ZNF568: variants seen among roughly 807,000 people sequenced by gnomAD.
ZNF568 encodes the protein zinc finger protein 568.
A neutral mutation model predicts 18.1 loss-of-function variants in ZNF568; 11 were observed. The ratio of observed to expected loss-of-function variants is 0.61; its 90% CI spans 0.38 to 1.00. The LOEUF (loss-of-function observed/expected upper bound fraction) is 1.00. Ranked by LOEUF, ZNF568 falls within the 50% of genes least tolerant of loss-of-function variation. The pLI is 0.01. For synonymous variants in ZNF568, 213 were observed against 246.6 expected (o/e 0.86, Z 1.28); for missense variants, 639 against 768.2 (o/e 0.83, Z 1.99).
At chr19:36,996,272 T>C (rs2074470462) in intron 4 of ZNF568, 1 of 1,404,484 alleles carries the variant, frequency 7.1e-7, no homozygotes, top group South Asian at 1.4e-5. Flanking sequence ...TTCTTTGTCC[T>C]GCAATGTGAA....
At chr19:36,939,399 T>C (rs1024481209) in intron 6 of ZNF568, among the ~76,000 whole-genome samples, 4 of 152,198 alleles carry the variant, frequency 2.6e-5, no homozygotes, top group African/African-American at 9.6e-5. Flanking sequence ...GTACTTTTTG[T>C]TGGAGATAAG....
chr19:36,969,571 T>C (rs2074220628), intron 6 of ZNF568, among the ~76,000 whole-genome samples: 1 of 152,102 alleles, frequency 6.6e-6, no homozygotes, highest in East Asian at 1.9e-4. Context: ...GTTCTTTCTC[T>C]AGGTTCTAGG....
chr19:36,972,185 G>T lies in ZNF568; in HGVS notation c.359-2235G>T, dbSNP rs7257423. On this transcript the variant is annotated intron_variant, in intron 6 of 7. Transcript: ENST00000427117. The stretch of plus-strand genomic sequence containing the variant: ...TTTAAAAAATTGGTTTATTTTAGTA[G>T]CACTTTTAGTAACACAAAAGTGCTT... Among the ~76,000 whole-genome samples the T allele has an allele frequency of 1.4e-3, 212 of 151,998 alleles. 1 individual carries two copies. Among genetic ancestry groups the T allele is most frequent in the African/African-American group, 4.9e-3 (205 of 41,462 alleles).
At chr19:36,946,185 A>C (rs2073961901) in intron 6 of ZNF568, among the ~76,000 whole-genome samples, 1 of 152,148 alleles carries the variant, frequency 6.6e-6, no homozygotes, top group Non-Finnish European at 1.5e-5. Context: ...TTTCAGGGAC[A>C]GGGTGGAATC....
chr19:36,952,892 A>G (rs1181477494), downstream of ZNF568: 2 of 163,318 alleles, frequency 1.2e-5, no homozygotes, highest in Non-Finnish European at 2.6e-5. Context: ...ATTAGTAATT[A>G]GAATATTCTT....
chr19:36,971,769 C>T (rs550393557), intron 6 of ZNF568, among the ~76,000 whole-genome samples: 148 of 151,864 alleles, frequency 9.7e-4, no homozygotes, highest in African/African-American at 3.4e-3. Context: ...GATCTCCTGA[C>T]CTTGTGATCT....
intron 6 of ZNF568, among the ~76,000 whole-genome samples, chr19:36,941,681 A>G (rs1357192956): frequency 6.6e-6 from 1 of 152,224 alleles, no homozygotes; most frequent in Admixed American, 6.5e-5. Context: ...TGTCAGGATC[A>G]TGACAGTTAA....
At chr19:36,997,706 A>G (rs900032661), downstream of ZNF568, 20 of 851,822 alleles carry the variant, frequency 2.3e-5, no homozygotes, top group African/African-American at 2.9e-4. Context: ...CATTCAGGAC[A>G]GAGGAGTGAA....
At chr19:36,956,503 A>G (rs986295629), downstream of ZNF568, among the ~76,000 whole-genome samples, 2 of 152,188 alleles carry the variant, frequency 1.3e-5, no homozygotes, top group Admixed American at 1.3e-4. Context: ...AATAAACCCT[A>G]TCATAGATTT....
chr19:36,967,834 T>C (rs991771369), intron 6 of ZNF568, among the ~76,000 whole-genome samples: 1 of 152,226 alleles, frequency 6.6e-6, no homozygotes, highest in African/African-American at 2.4e-5. Flanking sequence ...CCTGTCTCCA[T>C]GGCAGATCAT....
intron 6 of ZNF568, among the ~76,000 whole-genome samples, chr19:36,947,735 G>C (rs911248222): frequency 1.3e-5 from 2 of 152,094 alleles, no homozygotes; most frequent in African/African-American, 4.8e-5. Context: ...CTGGGCTTTA[G>C]CAACCCTTCC....
At chr19:36,926,132 A>G (rs1422571074) in intron 4 of ZNF568, among the ~76,000 whole-genome samples, 1 of 152,128 alleles carries the variant, frequency 6.6e-6, no homozygotes, top group Non-Finnish European at 1.5e-5. Context: ...CTAATATTCT[A>G]TGGCAGAATC....
chr19:36,918,015 C>T (rs1316793744), intron 2 of ZNF568, among the ~76,000 whole-genome samples: 1 of 152,204 alleles, frequency 6.6e-6, no homozygotes, highest in African/African-American at 2.4e-5. Context: ...GTGGCACGGT[C>T]TCGGCTCACT....
chr19:36,940,339 T>A (rs2146295860), intron 6 of ZNF568, among the ~76,000 whole-genome samples: 1 of 152,346 alleles, frequency 6.6e-6, no homozygotes, highest in African/African-American at 2.4e-5. Flanking sequence ...TCCTCAATAT[T>A]TCCAGCCTAC....
At chr19:36,997,597 T>A (rs1667366), downstream of ZNF568, 1 of 1,560,020 alleles carries the variant, frequency 6.4e-7, no homozygotes, top group Non-Finnish European at 8.6e-7. Context: ...AGAACTTAGT[T>A]GACACCAGAA....
At chr19:36,933,324 G>T (rs1357202220) in intron 4 of ZNF568, among the ~76,000 whole-genome samples, 2 of 151,922 alleles carry the variant, frequency 1.3e-5, no homozygotes, top group African/African-American at 2.4e-5. Context: ...CATTTATTAT[G>T]ATGTGGGGGT....
At chr19:36,919,970 G>A (rs1346959663) in intron 2 of ZNF568, among the ~76,000 whole-genome samples, 1 of 152,100 alleles carries the variant, frequency 6.6e-6, no homozygotes, top group African/African-American at 2.4e-5. Context: ...TTACTTTGGA[G>A]CATATGCCTA....
chr19:36,975,426 G>C (rs371081613), intron 7 of ZNF568, among the ~76,000 whole-genome samples: 1 of 140,496 alleles, frequency 7.1e-6, no homozygotes, highest in Admixed American at 7.0e-5. Context: ...TTGCTCTGTC[G>C]CCAGTTAGGA....
chr19:36,994,631 T>C (rs1644690), intron 4 of ZNF568, among the ~76,000 whole-genome samples: 81,282 of 151,954 alleles, frequency 0.53, 22,263 homozygotes, highest in African/African-American at 0.62. Flanking sequence ...ATCATTATAT[T>C]CTCTTATCAT....
Sources: gnomAD v4.1 joint callset for allele counts (sites outside exome capture counted in the v4.1 genomes callset) on GRCh38, gnomAD v4.1.1 for gene constraint, MANE v1.5 for transcripts, NCBI Gene and HGNC (gene_info 2026-07-23, HGNC 2026-07-21) for gene names.